The following ASPG variants were observed in gnomAD, a reference collection of about 807,000 sequenced individuals.
The protein encoded by ASPG is 60 kDa lysophospholipase.
ASPG carries 53 observed loss-of-function variants against 63.2 expected under a neutral mutation model. That is an observed-to-expected ratio of 0.84 (90% confidence interval 0.67 to 1.05). The LOEUF (loss-of-function observed/expected upper bound fraction) is 1.05, where lower values mean the gene tolerates loss of function less well. ASPG is among the 50% of genes least tolerant of loss of function. The pLI, the probability that ASPG is intolerant of heterozygous loss-of-function variation, is 0.00. For missense variants in ASPG, 741 were observed against 794.4 expected, an observed-to-expected ratio of 0.93 and a Z score of 0.81; for synonymous variants, 370 against 355.0, an observed-to-expected ratio of 1.04 and a Z score of -0.48.
intron 3 of ASPG, among the ~76,000 whole-genome samples, chr14:104,094,972 G>A (rs1169477526): frequency 1.3e-5 from 2 of 152,284 alleles, no homozygotes; most frequent in African/African-American, 4.8e-5. Context: ...GCCGCAGCCT[G>A]GGCCAGCCAC....
chr14:104,092,721 TGAG>T lies in ASPG; in HGVS notation c.174_176del (p.Glu58del). 2 of 1,536,668 alleles carry T rather than the reference TGAG, an allele frequency of 1.3e-6. No individual in the cohort carries two copies. Among genetic ancestry groups the T allele is most frequent in the Non-Finnish European group, 1.7e-6 (2 of 1,147,016 alleles). On this transcript the variant is annotated inframe_deletion, in exon 2 of 16. Transcript: ENST00000551177. Reference sequence around the variant, plus strand: ...AGCACGCCCGAGCCCGCGGCCTCTCTGAGGACACCCTGGTGCTACCGTGAGTGT... The same window carrying T: ...AGCACGCCCGAGCCCGCGGCCTCTCTGACACCCTGGTGCTACCGTGAGTGT...
chr14:104,101,850 G>T (rs889412925), intron 6 of ASPG, among the ~76,000 whole-genome samples: 1 of 152,180 alleles, frequency 6.6e-6, no homozygotes, highest in Non-Finnish European at 1.5e-5. Context: ...CTGAGCTCCC[G>T]TATCTGTAGA....
chr14:104,088,349 C>G (rs1296351592), intron 1 of ASPG, among the ~76,000 whole-genome samples: 1 of 152,112 alleles, frequency 6.6e-6, no homozygotes, highest in Non-Finnish European at 1.5e-5. Flanking sequence ...AGTGGGGACG[C>G]CCCTTGACCC....
At chr14:104,096,651 G>A (rs1406128999) in intron 4 of ASPG, among the ~76,000 whole-genome samples, 2 of 152,204 alleles carry the variant, frequency 1.3e-5, no homozygotes, top group African/African-American at 2.4e-5. Flanking sequence ...ACAGTTATGA[G>A]CACCGCAGGA....
chr14:104,110,987 G>T lies in ASPG; in HGVS notation c.1521-515G>T, dbSNP rs2037360059. 1.0e-6 allele frequency: 1 copy of T among 985,314 alleles called. No homozygotes were observed. Among genetic ancestry groups the T allele is most frequent in the African/African-American group, 1.7e-5 (1 of 57,238 alleles). The allele number at this position is 985,314 out of a possible 1,614,324, so 61.0% of individuals were successfully genotyped here. A position where few individuals can be genotyped will look rare whatever the true frequency, so the allele number is the denominator to read the frequency against. On this transcript the variant is annotated intron_variant, in intron 13 of 15. Transcript: ENST00000551177. This position sits in a 1 kb window ranked among gnomAD's most constrained non-coding sequence, Gnocchi z 4.7. ...GGTCCAGGGCCAACCGTTATCCTGG[G>T]TTGCCTCCTGTGTCCCCCTCTCTGA...
rs530797269 is a variant in ASPG at position 104,100,029 on chromosome 14, A to G, written c.640+1050A>G. ...GGCGGGCTGGTGGGTCAAGCCCACA[A>G]GGTCACTGGACGCCTGGGGAGGCCC... On this transcript the variant is annotated intron_variant, in intron 6 of 15. Coordinates refer to ENST00000551177, the MANE Select transcript of ASPG (RefSeq NM_001080464.3). 1.5e-4 allele frequency among the ~76,000 whole-genome samples: 23 copies of G among 152,260 alleles called. No homozygotes were observed. The South Asian group carries it at 4.8e-3, about 31-fold the overall frequency.
Position 104,113,870 on chromosome 14 carries a change from G to T in ASPG, c.*1326G>T, listed in dbSNP as rs896414971. ...TGAGGCCCATGAGGGGCTGCAGGTG[G>T]AGGGAGGGTGGCACCGGGCCCCAGA... On this transcript the variant is annotated 3_prime_UTR_variant, in exon 16 of 16. Transcript: ENST00000551177. The T allele has an allele frequency of 1.3e-5, 2 of 152,388 alleles. No homozygotes were observed. Among genetic ancestry groups the T allele is most frequent in the African/African-American group, 4.8e-5 (2 of 41,476 alleles). 9.4% of individuals were successfully genotyped at this position (152,388 alleles called of 1,614,324 possible). A position where few individuals can be genotyped will look rare whatever the true frequency, so the allele number is the denominator to read the frequency against.
At chr14:104,107,888 T>C (rs922790548) in intron 12 of ASPG, among the ~76,000 whole-genome samples, 7 of 152,084 alleles carry the variant, frequency 4.6e-5, no homozygotes, top group Non-Finnish European at 7.4e-5. Context: ...TGCCCCAGCC[T>C]GGGAAGGCCA....
intron 6 of ASPG, 134 bp downstream of exon 6, chr14:104,099,113 G>C: frequency 7.2e-7 from 1 of 1,396,998 alleles, no homozygotes. Flanking sequence ...CCCTGGCTTG[G>C]TTCTGCCCTG....
At chr14:104,111,740 C>CAGTCTGTGCGGGTCCT in intron 14 of ASPG, 139 bp downstream of exon 14, 1 of 894,586 alleles carries the variant, frequency 1.1e-6, no homozygotes. Context: ...ATGCAGGACC[C>CAGTCTGTGCGGGTCCT]GCACAGACTG....
At chr14:104,088,380 G>A (rs1426714145) in intron 1 of ASPG, among the ~76,000 whole-genome samples, 1 of 152,174 alleles carries the variant, frequency 6.6e-6, no homozygotes, top group Non-Finnish European at 1.5e-5. Flanking sequence ...TGAGTTCATT[G>A]AAGCTATCAC....
Position 104,106,794 on chromosome 14 carries a change from C to A in ASPG, c.1174-5C>A. 1.3e-6 allele frequency: 2 copies of A among 1,589,304 alleles called. No individual in the cohort carries two copies. Among genetic ancestry groups the A allele is most frequent in the Admixed American group, 1.7e-5 (1 of 57,222 alleles). The stretch of plus-strand genomic sequence containing the variant: ...GGGTCCCAGGGTGCCGCCTTCCCCA[C>A]CTAGGAGGCAGATGCCCTGCGGAAT... On this transcript the variant is annotated splice_region_variant and splice_polypyrimidine_tract_variant and intron_variant, in intron 10 of 15. Coordinates refer to ENST00000551177, the MANE Select transcript of ASPG (RefSeq NM_001080464.3).
In ASPG at chr14:104,095,517, C is replaced by A. The variant is rs756253700; in HGVS notation, c.304-14C>A. The A allele has an allele frequency of 2.5e-6, 4 of 1,612,220 alleles. No homozygotes were observed. The highest frequency in any genetic ancestry group is 1.7e-6 in the Non-Finnish European group (2 of 1,179,668). ...CGAGGGGCTGGCCTGCCTGAGCATG[C>A]GCCCCTCCTGCAGAGGCACTACGAG... On this transcript the variant is annotated splice_polypyrimidine_tract_variant and intron_variant, in intron 3 of 15. Coordinates refer to ENST00000551177, the MANE Select transcript of ASPG (RefSeq NM_001080464.3).
Position 104,110,162 on chromosome 14 carries a change from T to C in ASPG, c.1520+847T>C, listed in dbSNP as rs2141059840. On this transcript the variant is annotated intron_variant, in intron 13 of 15. Coordinates refer to ENST00000551177, the MANE Select transcript of ASPG (RefSeq NM_001080464.3). The surrounding 1 kb of genome is among the most constrained non-coding windows in gnomAD (Gnocchi z 4.7). The stretch of plus-strand genomic sequence containing the variant: ...GCAGGAGACCTGGGCCGGGTGCAGG[T>C]GGTGGCTGGGGTGGGGGTGCTGTGA... 1.0e-6 allele frequency: 1 copy of C among 983,344 alleles called. No individual in the cohort carries two copies. The highest frequency in any genetic ancestry group is 1.2e-6 in the Non-Finnish European group (1 of 829,358). 60.9% of individuals were successfully genotyped at this position (983,344 alleles called of 1,614,324 possible). A position where few individuals can be genotyped will look rare whatever the true frequency, so the allele number is the denominator to read the frequency against.
Position 104,104,411 on chromosome 14 carries a change from C to T in ASPG, c.861C>T (p.Thr287=), listed in dbSNP as rs369051062. 1.0e-4 allele frequency: 163 copies of T among 1,612,594 alleles called. No individual in the cohort carries two copies. Among genetic ancestry groups the T allele is most frequent in the Non-Finnish European group, 1.3e-4 (149 of 1,179,800 alleles). Reference sequence around the variant, plus strand: ...TGCTGCAGGAGCTGCGGGTGGCCACCGAGCGCGGCCTGGTCATCGTCAACT... The same window carrying T: ...TGCTGCAGGAGCTGCGGGTGGCCACTGAGCGCGGCCTGGTCATCGTCAACT... ...PDLLQELRVA[T]ERGLVIVNCT... Residue 287 remains threonine (T), a synonymous_variant, in exon 8 of 16, where the codon ACC becomes ACT. Transcript: ENST00000551177.
intron 6 of ASPG, among the ~76,000 whole-genome samples, chr14:104,102,506 C>T (rs1381468429): frequency 1.3e-5 from 2 of 152,124 alleles, no homozygotes; most frequent in East Asian, 3.9e-4. Context: ...ACCCCTGGGC[C>T]TCGGTTTTCC....
At chr14:104,098,728 TG>T in intron 5 of ASPG, 124 bp from the exon 6 acceptor site, 1 of 1,424,532 alleles carries the variant, frequency 7.0e-7, no homozygotes, top group Non-Finnish European at 9.5e-7. Context: ...CTGCGGTGGG[TG>T]GGGTTACAGT....
chr14:104,109,923 G>C lies in ASPG; in HGVS notation c.1520+608G>C. 1 of 981,486 alleles carries C rather than the reference G, an allele frequency of 1.0e-6. No individual in the cohort carries two copies. The highest frequency in any genetic ancestry group is 1.2e-6 in the Non-Finnish European group (1 of 826,434). The allele number at this position is 981,486 out of a possible 1,614,324, so 60.8% of individuals were successfully genotyped here. On this transcript the variant is annotated intron_variant, in intron 13 of 15. Transcript: ENST00000551177. This position sits in a 1 kb window ranked among gnomAD's most constrained non-coding sequence, Gnocchi z 4.8. ...GGCCTTCTGACATCATGTTGTTGTT[G>C]GGGAGACTGAGGCGCAGGGAGGCCT...
At chr14:104,097,917 CTGCGT>C (rs2036677177) in intron 5 of ASPG, among the ~76,000 whole-genome samples, 1 of 117,454 alleles carries the variant, frequency 8.5e-6, no homozygotes, top group African/African-American at 3.3e-5. Flanking sequence ...TATGGAGGTT[CTGCGT>C]TAGAGATGCG....
Sources: allele counts gnomAD v4.1 joint callset (sites outside exome capture counted in the v4.1 genomes callset), GRCh38; gene constraint gnomAD v4.1.1; non-coding constraint Gnocchi (gnomAD v3.1); transcripts MANE v1.5; gene names NCBI Gene and HGNC (gene_info 2026-07-23, HGNC 2026-07-21).